Variants in OTOGL observed in about 807,000 individuals in gnomAD.
OTOGL encodes the protein otogelin like.
A neutral mutation model predicts 318.5 loss-of-function variants in OTOGL; 285 were observed. That is an observed-to-expected ratio of 0.89 (90% CI 0.81 to 0.99). OTOGL has a LOEUF of 0.99. OTOGL is among the 50% of genes least tolerant of loss of function. The pLI is 0.00. For synonymous variants in OTOGL, 987 were observed against 936.5 expected (o/e 1.05, Z -0.99); for missense variants, 2,899 against 2,845.6 (o/e 1.02, Z -0.43).
chr12:80,195,953 T>C (rs190061631), intron 1 of OTOGL, among the ~76,000 whole-genome samples: 1 of 152,322 alleles, frequency 6.6e-6, no homozygotes. Context: ...AACTGTGTCA[T>C]CTAAAATCAT....
At chr12:80,125,949 G>T (rs887184863) in intron 1 of OTOGL, among the ~76,000 whole-genome samples, 3 of 151,622 alleles carry the variant, frequency 2.0e-5, no homozygotes, top group Non-Finnish European at 4.4e-5. Flanking sequence ...AATTAGTCTT[G>T]CTAGCAGTCT....
intron 44 of OTOGL, among the ~76,000 whole-genome samples, chr12:80,345,160 A>C (rs1889106417): frequency 7.3e-6 from 1 of 137,826 alleles, no homozygotes; most frequent in South Asian, 2.1e-4. Context: ...TATATTATAT[A>C]TTATGATATA....
intron 1 of OTOGL, among the ~76,000 whole-genome samples, chr12:80,184,170 G>A (rs1875125748): frequency 6.6e-6 from 1 of 152,094 alleles, no homozygotes; most frequent in Non-Finnish European, 1.5e-5. Context: ...GCCCTTTTCT[G>A]TTCAACCCAG....
At chr12:80,339,635 A>C (rs1888642747) in intron 43 of OTOGL, among the ~76,000 whole-genome samples, 2 of 152,164 alleles carry the variant, frequency 1.3e-5, no homozygotes, top group East Asian at 3.9e-4. Flanking sequence ...ATCTCAATTT[A>C]TAAGTGATAC....
At chr12:80,124,119 A>G (rs1015066179) in intron 1 of OTOGL, among the ~76,000 whole-genome samples, 2 of 152,186 alleles carry the variant, frequency 1.3e-5, no homozygotes, top group African/African-American at 4.8e-5. Context: ...GCCCATGCCT[A>G]TGTCCCGAAT....
At chr12:80,113,673 C>A (rs1391272767) in intron 1 of OTOGL, among the ~76,000 whole-genome samples, 1 of 152,058 alleles carries the variant, frequency 6.6e-6, no homozygotes, top group Non-Finnish European at 1.5e-5. Flanking sequence ...GAGTTCAAGT[C>A]CTGAATATCC....
In OTOGL at chr12:80,151,408, T is replaced by A. The variant is rs1315535721; in HGVS notation, c.-20+51803T>A. ...ACTCCATTACCTGCTTCTTTCTTTC[T>A]TAGCACTTAAAACATTCTGAAATTA... On this transcript the variant is annotated intron_variant, in intron 1 of 58. Transcript: ENST00000547103. Among the ~76,000 whole-genome samples, 4 of 152,182 alleles carry A rather than the reference T, an allele frequency of 2.6e-5. No homozygotes were observed. The East Asian group carries it at 7.7e-4, about 29-fold the overall frequency.
chr12:80,127,868 C>T (rs545586638), intron 1 of OTOGL, among the ~76,000 whole-genome samples: 57 of 152,278 alleles, frequency 3.7e-4, no homozygotes, highest in Middle Eastern at 3.4e-3. Flanking sequence ...ACGTAGTTCT[C>T]GTGCCATGGT....
At chr12:80,157,849 T>G (rs1407399069) in intron 1 of OTOGL, among the ~76,000 whole-genome samples, 1 of 152,166 alleles carries the variant, frequency 6.6e-6, no homozygotes, top group African/African-American at 2.4e-5. Flanking sequence ...CACTCTTCTA[T>G]GTTGGCTCTC....
chr12:80,308,695 G>C (rs1323391678), intron 29 of OTOGL, among the ~76,000 whole-genome samples: 2 of 152,178 alleles, frequency 1.3e-5, no homozygotes, highest in African/African-American at 4.8e-5. Flanking sequence ...CTGAGTGAAC[G>C]AGACTCCGTC....
At chr12:80,250,799 T>C (rs1881474472) in intron 11 of OTOGL, among the ~76,000 whole-genome samples, 2 of 152,182 alleles carry the variant, frequency 1.3e-5, no homozygotes, top group Admixed American at 6.5e-5. Context: ...TATTTAACTA[T>C]TCAATTTTGA....
intron 1 of OTOGL, among the ~76,000 whole-genome samples, chr12:80,190,631 CA>C (rs1348766873): frequency 4.0e-5 from 6 of 151,414 alleles, no homozygotes; most frequent in Non-Finnish European, 8.8e-5. Flanking sequence ...ACTAAAAATA[CA>C]AAAAATTAGC....
At position 80,238,870 on chromosome 12, in the gene OTOGL, C is replaced by A. The variant is rs767987736; in HGVS notation, c.837C>A (p.Ile279=). The change falls in exon 10 of 59, where the codon ATC becomes ATA. Residue 279 remains isoleucine, a synonymous_variant. Transcript: ENST00000547103. ...IILQEDYTED[I]AMFANSWSVQ... ...AAATAGAGGACTATACAGAAGACAT[C>A]GCTATGTTTGCAAATAGTTGGTCGG... The A allele has an allele frequency of 3.9e-6, 6 of 1,555,074 alleles. No individual in the cohort carries two copies. Among genetic ancestry groups the A allele is most frequent in the Non-Finnish European group, 5.2e-6 (6 of 1,156,080 alleles).
intron 26 of OTOGL, among the ~76,000 whole-genome samples, 197 bp downstream of exon 26, chr12:80,279,363 G>C (rs1884046892): frequency 6.6e-6 from 1 of 151,326 alleles, no homozygotes; most frequent in African/African-American, 2.4e-5. Context: ...CATGTTGCTG[G>C]GGTTTGGTGT....
Position 80,356,493 on chromosome 12 carries a change from C to A in OTOGL, c.5884C>A (p.Leu1962Ile). The change falls in exon 48 of 59, where the codon CTT (leucine) becomes ATT (isoleucine). Residue 1962 changes from leucine to isoleucine, a missense_variant. Physicochemically the swap from Leu to Ile is conservative, Grantham distance 5. This residue lies in a region of OTOGL where 2,607 missense variants were observed against 2,524.9 expected (regional missense o/e 1.03). Coordinates refer to ENST00000547103, the MANE Select transcript of OTOGL (RefSeq NM_001378609.3). Reference sequence around the variant, plus strand: ...AAAATTGATTGTTGGCCACAGTCCTCTTTCTTGCTGTCCACAGTACAAATG... The same window carrying A: ...AAAATTGATTGTTGGCCACAGTCCTATTTCTTGCTGTCCACAGTACAAATG... The part of the protein sequence containing the change: ...SQKLIVGHSP[L>I]SCCPQYKCEC... The A allele has an allele frequency of 6.2e-7, 1 of 1,610,748 alleles. No homozygotes were observed. Among genetic ancestry groups the A allele is most frequent in the Non-Finnish European group, 8.5e-7 (1 of 1,178,030 alleles).
intron 1 of OTOGL, among the ~76,000 whole-genome samples, chr12:80,114,112 C>T (rs1448969701): frequency 6.6e-6 from 1 of 151,892 alleles, no homozygotes; most frequent in East Asian, 1.9e-4. Flanking sequence ...ACCCATTTAC[C>T]TTTAATTTTA....
chr12:80,163,557 T>G lies in OTOGL; in HGVS notation c.-19-45856T>G, dbSNP rs560975680. Among the ~76,000 whole-genome samples the G allele has an allele frequency of 1.5e-4, 23 of 152,148 alleles. No individual in the cohort carries two copies. In the East Asian group the frequency reaches 2.7e-3, roughly 18 times the overall value. Reference sequence around the variant, plus strand: ...GAAATCAGAGTTTTTATTGCTGCCATTTTTTATACAGGCATTATTTAGATC... The same window carrying G: ...GAAATCAGAGTTTTTATTGCTGCCAGTTTTTATACAGGCATTATTTAGATC... On this transcript the variant is annotated intron_variant, in intron 1 of 58. Transcript: ENST00000547103.
At chr12:80,335,936 A>C (rs1161914567) in intron 38 of OTOGL, 27 bp from the exon 39 acceptor site, 2 of 1,495,228 alleles carry the variant, frequency 1.3e-6, no homozygotes, top group Admixed American at 2.1e-5. Flanking sequence ...AGAATGAAAA[A>C]ACCCACTAAT....
At chr12:80,131,011 T>C (rs1592478115) in intron 1 of OTOGL, 2 of 152,104 alleles carry the variant, frequency 1.3e-5, no homozygotes, top group African/African-American at 2.4e-5. Flanking sequence ...GAGTCAGAGG[T>C]TACAGGAAGG....
Sources: gnomAD v4.1 joint callset for allele counts (sites outside exome capture counted in the v4.1 genomes callset) on GRCh38, gnomAD v4.1.1 for gene constraint, gnomAD v4.1.1 regional missense constraint, MANE v1.5 for transcripts, NCBI Gene and HGNC (gene_info 2026-07-23, HGNC 2026-07-21) for gene names.